The following TUBGCP2 variants were observed in gnomAD, a reference collection of about 807,000 sequenced individuals.
TUBGCP2 encodes gamma-tubulin complex component 2.
Under a neutral mutation model 92.2 loss-of-function variants are expected in TUBGCP2, and 55 were observed. The ratio of observed to expected loss-of-function variants is 0.60; its 90% confidence interval spans 0.48 to 0.75. The LOEUF is 0.75. Ranked by LOEUF, TUBGCP2 falls within the 30% of genes least tolerant of loss-of-function variation. TUBGCP2 has a pLI of 0.00. For synonymous variants in TUBGCP2, 533 were observed against 505.2 expected, an observed-to-expected ratio of 1.06 and a Z score of -0.74; for missense variants, 1,093 against 1,188.9, an observed-to-expected ratio of 0.92 and a Z score of 1.19.
Position 133,288,263 on chromosome 10 carries a change from G to A in TUBGCP2, c.1588C>T (p.His530Tyr). The A allele has an allele frequency of 6.2e-7, 1 of 1,613,712 alleles. No individual in the cohort carries two copies. Among genetic ancestry groups the A allele is most frequent in the Non-Finnish European group, 8.5e-7 (1 of 1,179,958 alleles). ...FLMDQGDFFV[H>Y]FMDLAEEELR... is the part of the protein sequence containing the mutation. ...TCCTCCTCCGCGAGGTCCATGAAGTGCACGAAGAAGTCGCCCTGGTCCATG... is the reference window on the plus strand; with the variant it reads ...TCCTCCTCCGCGAGGTCCATGAAGTACACGAAGAAGTCGCCCTGGTCCATG... Residue 530 changes from histidine to tyrosine, a missense_variant, in exon 11 of 18, where the codon CAC (histidine) becomes TAC (tyrosine). This residue lies in a region of TUBGCP2 where 598 missense variants were observed against 675.5 expected (regional missense o/e 0.89). Coordinates refer to ENST00000252936, the MANE Select transcript of TUBGCP2 (RefSeq NM_006659.4).
At chr10:133,309,583 C>T, upstream of TUBGCP2, 1 of 1,314,416 alleles carries the variant, frequency 7.6e-7, no homozygotes. Context: ...AGGCGCTGTG[C>T]CTGTCCAGCT....
chr10:133,293,917 C>T, intron 5 of TUBGCP2, 148 bp from the exon 6 acceptor site: 1 of 844,456 alleles, frequency 1.2e-6, no homozygotes, highest in Non-Finnish European at 1.9e-6. Context: ...TTGACTGACC[C>T]CACTGGGGAG....
At chr10:133,280,712 C>G (rs1178771681) in intron 17 of TUBGCP2, among the ~76,000 whole-genome samples, 2 of 152,212 alleles carry the variant, frequency 1.3e-5, no homozygotes, top group Non-Finnish European at 2.9e-5. Flanking sequence ...GGAGGCTACA[C>G]CAGGTGGACC....
In TUBGCP2 at chr10:133,286,115, A is replaced by C. The variant is rs565307379; in HGVS notation, c.1723-487T>G. On this transcript the variant is annotated intron_variant, in intron 11 of 17. Coordinates refer to ENST00000252936, the MANE Select transcript of TUBGCP2 (RefSeq NM_006659.4). ...CAAAACCATCGCACAACGACAGGACAGGAAATGAAGGGCAGGGGATAAAGC... is the reference window on the plus strand; with the variant it reads ...CAAAACCATCGCACAACGACAGGACCGGAAATGAAGGGCAGGGGATAAAGC... Among the ~76,000 whole-genome samples the C allele has an allele frequency of 1.6e-4, 25 of 152,292 alleles. No homozygotes were observed. The South Asian group carries it at 5.0e-3, about 30-fold the overall frequency.
chr10:133,289,925 T>C lies in TUBGCP2; in HGVS notation c.1259A>G (p.Gln420Arg). The stretch of plus-strand genomic sequence containing the variant: ...CCAGTACTTGTCGTTGTAATCCTCC[T>C]GGATCCTCTCCTTCCGCAGCTCGTG... ...EEHELRKERI[Q>R]EDYNDKYWDQ... Residue 420 changes from glutamine to arginine, a missense_variant, in exon 9 of 18, where the codon CAG becomes CGG. Gln to Arg is a conservative substitution (Grantham distance 43). This residue lies in a region of TUBGCP2 where 598 missense variants were observed against 675.5 expected (regional missense o/e 0.89). Coordinates refer to ENST00000252936, the MANE Select transcript of TUBGCP2 (RefSeq NM_006659.4). 6.4e-7 allele frequency: 1 copy of C among 1,570,634 alleles called. No homozygotes were observed. Among genetic ancestry groups the C allele is most frequent in the Non-Finnish European group, 8.6e-7 (1 of 1,158,142 alleles).
Position 133,279,332 on chromosome 10 carries a change from C to G in TUBGCP2, c.*434G>C, listed in dbSNP as rs1846905659. ...GCCAAAGCAAACCCGACACCCGATG[C>G]CCGGTGGGTTTCCACAACTCCCTGA... On this transcript the variant is annotated 3_prime_UTR_variant, in exon 18 of 18. Coordinates refer to ENST00000252936, the MANE Select transcript of TUBGCP2 (RefSeq NM_006659.4). The G allele has an allele frequency of 5.9e-6, 1 of 168,902 alleles. No homozygotes were observed. Among genetic ancestry groups the G allele is most frequent in the Admixed American group, 6.5e-5 (1 of 15,484 alleles). The allele number at this position is 168,902 out of a possible 1,614,324, so 10.5% of individuals were successfully genotyped here. A position where few individuals can be genotyped will look rare whatever the true frequency, so the allele number is the denominator to read the frequency against.
intron 7 of TUBGCP2, 144 bp downstream of exon 7, chr10:133,292,895 C>T: frequency 9.0e-7 from 1 of 1,112,372 alleles, no homozygotes; most frequent in Non-Finnish European, 1.3e-6. Flanking sequence ...AAGTTAATAG[C>T]ACATGGAGCA....
chr10:133,281,256 G>T lies in TUBGCP2; in HGVS notation c.2573+17C>A. 6.2e-7 allele frequency: 1 copy of T among 1,607,452 alleles called. No individual in the cohort carries two copies. On this transcript the variant is annotated intron_variant, in intron 17 of 17. Coordinates refer to ENST00000252936, the MANE Select transcript of TUBGCP2 (RefSeq NM_006659.4). ...ACTGAGCTGAGGAAGGGCTGAGCCG[G>T]GGTGGCGCCCACCCACCTGGAGATG...
chr10:133,281,417 T>A lies in TUBGCP2; in HGVS notation c.2429A>T (p.Asp810Val). The change falls in exon 17 of 18, where the codon GAC becomes GTC. Residue 810 changes from aspartate (D) to valine (V), a missense_variant. Transcript: ENST00000252936. The stretch of plus-strand genomic sequence containing the variant: ...GAAGCCGGACACCAGCTGCACAGTG[T>A]CTGCGTGCTCAGCCAGGTGCTGGAA... ...LARKHLAEHA[D>V]TVQLVSGFEA... 2 of 1,613,172 alleles carry A rather than the reference T, an allele frequency of 1.2e-6. No homozygotes were observed. The highest frequency in any genetic ancestry group is 8.5e-7 in the Non-Finnish European group (1 of 1,179,978).
intron 13 of TUBGCP2, among the ~76,000 whole-genome samples, chr10:133,284,497 G>C (rs1394012738): frequency 1.3e-5 from 2 of 152,132 alleles, no homozygotes; most frequent in Non-Finnish European, 2.9e-5. Flanking sequence ...TGAGTTGCTG[G>C]AACTACAGGC....
intron 7 of TUBGCP2, 115 bp from the exon 8 acceptor site, chr10:133,292,803 T>C (rs1847390999): frequency 1.6e-5 from 21 of 1,302,254 alleles, no homozygotes; most frequent in Non-Finnish European, 2.2e-5. Context: ...ACGGTGCTGC[T>C]TCTTTGGGAT....
At chr10:133,308,002 T>C (rs1207410288) in intron 1 of TUBGCP2, among the ~76,000 whole-genome samples, 9 of 152,068 alleles carry the variant, frequency 5.9e-5, no homozygotes, top group Admixed American at 5.9e-4. Context: ...TTACAGCTCT[T>C]TGGAACGCTG....
Position 133,288,814 on chromosome 10 carries a change from C to T in TUBGCP2, c.1541+26G>A, listed in dbSNP as rs767398007. ...CCGGTTTCAGAGGGAGGTGAGTGCC[C>T]GCACAGGGACAGGGCACGGAATCAC... On this transcript the variant is annotated intron_variant, in intron 10 of 17. Coordinates refer to ENST00000252936, the MANE Select transcript of TUBGCP2 (RefSeq NM_006659.4). 50 of 1,571,340 alleles carry T rather than the reference C, an allele frequency of 3.2e-5. No homozygotes were observed. The African/African-American group carries it at 3.3e-4, about 10-fold the overall frequency.
intron 1 of TUBGCP2, among the ~76,000 whole-genome samples, chr10:133,304,941 C>A (rs1847773383): frequency 6.6e-6 from 1 of 152,152 alleles, no homozygotes; most frequent in Non-Finnish European, 1.5e-5. Flanking sequence ...GAAGATGCCC[C>A]TTGCCAAGCG....
chr10:133,310,367 G>A (rs1847963579), upstream of TUBGCP2: 1 of 1,574,716 alleles, frequency 6.4e-7, no homozygotes, highest in Non-Finnish European at 8.6e-7. Context: ...TGCATAGACG[G>A]TCAGACTTAT....
At chr10:133,286,030 G>A (rs1251351997) in intron 11 of TUBGCP2, among the ~76,000 whole-genome samples, 2 of 152,030 alleles carry the variant, frequency 1.3e-5, no homozygotes, top group East Asian at 3.9e-4. Flanking sequence ...AAGTAATACT[G>A]TCCTCACGTT....
At chr10:133,312,201 G>A (rs774339639), upstream of TUBGCP2, 609 of 1,405,458 alleles carry the variant, frequency 4.3e-4, no homozygotes, top group Non-Finnish European at 5.3e-4. Flanking sequence ...CACCTGTGCC[G>A]TCTGCGTTTC....
chr10:133,297,620 C>G (rs1345347932), intron 5 of TUBGCP2, among the ~76,000 whole-genome samples: 1 of 152,250 alleles, frequency 6.6e-6, no homozygotes, highest in African/African-American at 2.4e-5. Flanking sequence ...AATTCTGATG[C>G]CTGCAGGTCT....
chr10:133,303,554 G>A (rs1240936489), intron 1 of TUBGCP2, among the ~76,000 whole-genome samples: 1 of 152,206 alleles, frequency 6.6e-6, no homozygotes, highest in Non-Finnish European at 1.5e-5. Context: ...TCTACACAGG[G>A]AGCTCTGTGC....
Sources: gnomAD v4.1 joint callset for allele counts (sites outside exome capture counted in the v4.1 genomes callset) on GRCh38, gnomAD v4.1.1 for gene constraint, gnomAD v4.1.1 regional missense constraint, MANE v1.5 for transcripts, NCBI Gene and HGNC (gene_info 2026-07-23, HGNC 2026-07-21) for gene names.